LASP1: variants seen among roughly 807,000 people sequenced by gnomAD.
LASP1 encodes LIM and SH3 protein 1, also known as LIM and SH3 domain protein 1.
Under a neutral mutation model 38.6 loss-of-function variants are expected in LASP1, and 10 were observed. That is an observed-to-expected ratio of 0.26 (90% CI 0.16 to 0.44). The LOEUF (loss-of-function observed/expected upper bound fraction) is 0.44. Among genes scored for constraint, LASP1 ranks in the 20% least tolerant of loss-of-function variants. LASP1 has a pLI of 1.00. For synonymous variants in LASP1, 132 were observed against 140.8 expected (o/e 0.94, Z 0.44); for missense variants, 243 against 375.7 (o/e 0.65, Z 2.92).
At chr17:38,895,178 ATT>A (rs113759218) in intron 3 of LASP1, among the ~76,000 whole-genome samples, 1 of 145,648 alleles carries the variant, frequency 6.9e-6, no homozygotes, top group Non-Finnish European at 1.5e-5. Context: ...ATTTTTATTA[ATT>A]TTTTTTTTTT....
chr17:38,884,493 T>A (rs1914053062), intron 2 of LASP1, among the ~76,000 whole-genome samples: 1 of 151,638 alleles, frequency 6.6e-6, no homozygotes, highest in South Asian at 2.1e-4. Flanking sequence ...GTTCAAGCGG[T>A]TCTCCCGCCT....
chr17:38,915,184 G>C, intron 6 of LASP1, 38 bp downstream of exon 6: 2 of 1,562,402 alleles, frequency 1.3e-6, no homozygotes, highest in Non-Finnish European at 1.8e-6. Flanking sequence ...GCCAGAGGCA[G>C]GGGGTCCTTC....
At chr17:38,901,847 C>G (rs1429364938) in intron 4 of LASP1, among the ~76,000 whole-genome samples, 2 of 152,140 alleles carry the variant, frequency 1.3e-5, no homozygotes, top group Middle Eastern at 3.4e-3. Context: ...CTCACTGCAA[C>G]CTCCGCCTCC....
At chr17:38,908,839 C>T (rs553311842) in intron 4 of LASP1, among the ~76,000 whole-genome samples, 2 of 152,340 alleles carry the variant, frequency 1.3e-5, no homozygotes, top group East Asian at 3.9e-4. Context: ...CGTGCTTGCT[C>T]TTGCCTTTTG....
chr17:38,883,913 G>A (rs966758689), intron 2 of LASP1, among the ~76,000 whole-genome samples: 16 of 151,750 alleles, frequency 1.1e-4, no homozygotes, highest in Middle Eastern at 3.2e-3. Flanking sequence ...GGGGATGGAC[G>A]GGTGAGAAAC....
At chr17:38,905,270 T>C (rs1914744364) in intron 4 of LASP1, among the ~76,000 whole-genome samples, 1 of 152,174 alleles carries the variant, frequency 6.6e-6, no homozygotes, top group South Asian at 2.1e-4. Flanking sequence ...GGTTCACACC[T>C]GTAATCCCAG....
intron 4 of LASP1, among the ~76,000 whole-genome samples, chr17:38,900,011 T>G (rs1213077707): frequency 6.6e-6 from 1 of 151,688 alleles, no homozygotes; most frequent in Non-Finnish European, 1.5e-5. Flanking sequence ...ATTACAGGTG[T>G]GAGCCACCGC....
At chr17:38,908,164 C>T (rs1449214196) in intron 4 of LASP1, among the ~76,000 whole-genome samples, 2 of 152,358 alleles carry the variant, frequency 1.3e-5, no homozygotes, top group Non-Finnish European at 2.9e-5. Flanking sequence ...ATCAAGGACA[C>T]CTGTCCCTGC....
chr17:38,892,437 C>A (rs1339715884), intron 3 of LASP1, among the ~76,000 whole-genome samples: 1 of 152,118 alleles, frequency 6.6e-6, no homozygotes, highest in African/African-American at 2.4e-5. Flanking sequence ...CTAGCCAGGC[C>A]CTGACTCCTG....
intron 1 of LASP1, among the ~76,000 whole-genome samples, chr17:38,870,685 GC>G: frequency 1.3e-5 from 2 of 152,130 alleles, no homozygotes; most frequent in South Asian, 4.1e-4. Flanking sequence ...GGGCGGGGGG[GC>G]GGGGCAGAGG....
intron 1 of LASP1, among the ~76,000 whole-genome samples, 176 bp from the exon 2 acceptor site, chr17:38,877,910 A>T (rs539822373): frequency 6.6e-6 from 1 of 152,122 alleles, no homozygotes; most frequent in African/African-American, 2.4e-5. Flanking sequence ...AGGGGAGGGG[A>T]GTGCCAAAGC....
chr17:38,873,833 C>T (rs555855527), intron 1 of LASP1: 1 of 152,324 alleles, frequency 6.6e-6, no homozygotes, highest in South Asian at 2.1e-4. Flanking sequence ...AAGAGATGGT[C>T]TCATAATCCA....
rs1285000379 is a variant in LASP1 at position 38,920,272 on chromosome 17, T to A, written c.*1494T>A. The A allele has an allele frequency of 1.2e-5, 5 of 423,686 alleles. No individual in the cohort carries two copies. The highest frequency in any genetic ancestry group is 2.3e-5 in the Non-Finnish European group (5 of 220,114). The allele number at this position is 423,686 out of a possible 1,614,324, so 26.2% of individuals were successfully genotyped here. A position where few individuals can be genotyped will look rare whatever the true frequency, so the allele number is the denominator to read the frequency against. On this transcript the variant is annotated 3_prime_UTR_variant, in exon 7 of 7. Coordinates refer to ENST00000318008, the MANE Select transcript of LASP1 (RefSeq NM_006148.4). ...GGTGGCAGAAGTGTCACCCTGTGGG[T>A]GTCTCCCTCGGGGGCTCTTCCCCTA...
intron 3 of LASP1, among the ~76,000 whole-genome samples, chr17:38,892,997 ATG>A (rs3837799): frequency 0.32 from 48,680 of 151,124 alleles, 9,309 homozygotes; most frequent in Middle Eastern, 0.49. Context: ...GCACGCGTGT[ATG>A]TGTGTGTGTG....
chr17:38,899,018 G>A (rs906800159), intron 4 of LASP1: 24 of 345,462 alleles, frequency 6.9e-5, no homozygotes, highest in Non-Finnish European at 1.3e-4. Flanking sequence ...TGCACCCCCT[G>A]GCTCACACCC....
At chr17:38,910,193 C>T (rs539732343) in intron 4 of LASP1, among the ~76,000 whole-genome samples, 39 of 152,230 alleles carry the variant, frequency 2.6e-4, no homozygotes, top group South Asian at 1.0e-3. Flanking sequence ...AGGAGTATGC[C>T]GTCAGAATAT....
At chr17:38,892,997 ATGTGTGTG>A (rs3837799) in intron 3 of LASP1, among the ~76,000 whole-genome samples, 5 of 151,114 alleles carry the variant, frequency 3.3e-5, no homozygotes, top group African/African-American at 1.2e-4. Flanking sequence ...GCACGCGTGT[ATGTGTGTG>A]TGTGTGTGTG....
intron 4 of LASP1, among the ~76,000 whole-genome samples, chr17:38,900,221 A>AAAAAAAAAAAC (rs1914601754): frequency 1.4e-5 from 2 of 141,798 alleles, no homozygotes; most frequent in Non-Finnish European, 3.2e-5. Context: ...AAAAAAAAAA[A>AAAAAAAAAAAC]ATACAAAAAC....
rs752358552 is a variant in LASP1 at position 38,918,741 on chromosome 17, C to A, written c.749C>A (p.Thr250Lys). ...MYGTVERTGD[T>K]GMLPANYVEA... is the part of the protein sequence containing the mutation. The stretch of plus-strand genomic sequence containing the variant: ...GGGACGGTGGAGCGCACCGGCGACA[C>A]GGGGATGCTGCCGGCCAACTACGTG... The change falls in exon 7 of 7, where the codon ACG becomes AAG. Residue 250 changes from threonine (T) to lysine (K), a missense_variant. Around this residue, in one of 4 missense-constraint regions of LASP1, gnomAD observed 165 missense variants for 210.3 expected, o/e 0.78. Coordinates refer to ENST00000318008, the MANE Select transcript of LASP1 (RefSeq NM_006148.4). The surrounding 1 kb of genome is among the most constrained non-coding windows in gnomAD (Gnocchi z 4.4). 2 of 1,613,974 alleles carry A rather than the reference C, an allele frequency of 1.2e-6. No individual in the cohort carries two copies. The highest frequency in any genetic ancestry group is 1.1e-5 in the South Asian group (1 of 91,086).
Sources: allele counts gnomAD v4.1 joint callset (sites outside exome capture counted in the v4.1 genomes callset), GRCh38; gene constraint gnomAD v4.1.1; regional missense constraint gnomAD v4.1.1; non-coding constraint Gnocchi (gnomAD v3.1); transcripts MANE v1.5; gene names NCBI Gene and HGNC (gene_info 2026-07-23, HGNC 2026-07-21).